The following SREK1IP1 variants were observed in gnomAD, a reference collection of about 807,000 sequenced individuals.
SREK1IP1 encodes the protein SREK1 interacting protein 1.
SREK1IP1 carries 12 observed loss-of-function variants against 22.8 expected under a neutral mutation model. The observed-to-expected ratio is 0.53, with a 90% CI of 0.34 to 0.85. SREK1IP1 has a LOEUF of 0.85. Ranked by LOEUF, SREK1IP1 falls within the 40% of genes least tolerant of loss-of-function variation. The pLI is 0.02. For missense variants in SREK1IP1, 147 were observed against 171.8 expected, an observed-to-expected ratio of 0.86 and a Z score of 0.81; for synonymous variants, 53 against 52.7, an observed-to-expected ratio of 1.01 and a Z score of -0.02.
rs1036999909 is a variant in SREK1IP1, at chr5:64,721,555, A to G, written c.*2829T>C. ...AGAAATAGGGATACCTCTGAGAAAT[A>G]TCAACCAACATATGATATGCAAAAA... On this transcript the variant is annotated 3_prime_UTR_variant, in exon 5 of 5. Coordinates refer to ENST00000513458, the MANE Select transcript of SREK1IP1 (RefSeq NM_173829.4). 6.6e-6 allele frequency: 1 copy of G among 151,770 alleles called. No homozygotes were observed. The highest frequency in any genetic ancestry group is 2.4e-5 in the African/African-American group (1 of 41,194). The allele number at this position is 151,770 out of a possible 1,614,324, so 9.4% of individuals were successfully genotyped here.
chr5:64,734,233 G>A (rs755537336), intron 3 of SREK1IP1, among the ~76,000 whole-genome samples: 1 of 152,020 alleles, frequency 6.6e-6, no homozygotes, highest in Non-Finnish European at 1.5e-5. Flanking sequence ...GGTCTATTCT[G>A]TTCCATTGAT....
intron 3 of SREK1IP1, among the ~76,000 whole-genome samples, chr5:64,738,963 G>C (rs960446349): frequency 6.6e-6 from 1 of 152,006 alleles, no homozygotes; most frequent in African/African-American, 2.4e-5. Context: ...TAGCTTTCAG[G>C]ACTGCTTTAG....
chr5:64,721,767 G>A lies in SREK1IP1; in HGVS notation c.*2617C>T, dbSNP rs146289192. 4 of 151,958 alleles carry A rather than the reference G, an allele frequency of 2.6e-5. No individual in the cohort carries two copies. Among genetic ancestry groups the A allele is most frequent in the South Asian group, 4.2e-4 (2 of 4,814 alleles). The allele number at this position is 151,958 out of a possible 1,614,324, so 9.4% of individuals were successfully genotyped here. ...AATTATCTGCTTGAAGAAGTTGAAC[G>A]TGTTTATTATATTAATAAATTCAAC... is the stretch of plus-strand genomic sequence containing the variant. On this transcript the variant is annotated 3_prime_UTR_variant, in exon 5 of 5. Transcript: ENST00000513458.
intron 2 of SREK1IP1, among the ~76,000 whole-genome samples, 162 bp downstream of exon 2, chr5:64,754,153 A>G (rs893292796): frequency 1.2e-4 from 19 of 152,198 alleles, no homozygotes; most frequent in African/African-American, 4.3e-4. Flanking sequence ...AGAAAAGTGA[A>G]TATTTAGTGC....
intron 2 of SREK1IP1, among the ~76,000 whole-genome samples, chr5:64,751,515 G>A (rs1742739833): frequency 6.6e-6 from 1 of 152,170 alleles, no homozygotes; most frequent in African/African-American, 2.4e-5. Context: ...CTAAAATAAT[G>A]GGACAAGGTA....
At chr5:64,763,230 GA>G (rs1456691316) in intron 1 of SREK1IP1, among the ~76,000 whole-genome samples, 3 of 151,958 alleles carry the variant, frequency 2.0e-5, no homozygotes, top group African/African-American at 7.2e-5. Context: ...AATCCGTGAA[GA>G]AAAAAGGTGT....
At chr5:64,737,057 TTTAC>T (rs1742476088) in intron 3 of SREK1IP1, among the ~76,000 whole-genome samples, 1 of 151,718 alleles carries the variant, frequency 6.6e-6, no homozygotes, top group Non-Finnish European at 1.5e-5. Context: ...GGATTAGGAG[TTTAC>T]TTACTAGGTT....
At chr5:64,729,790 T>C (rs1047005598) in intron 3 of SREK1IP1, among the ~76,000 whole-genome samples, 1 of 152,000 alleles carries the variant, frequency 6.6e-6, no homozygotes, top group Non-Finnish European at 1.5e-5. Flanking sequence ...GATTAAAATG[T>C]GGATTGGTGG....
intron 1 of SREK1IP1, among the ~76,000 whole-genome samples, chr5:64,768,304 G>C (rs555326692): frequency 1.9e-4 from 29 of 152,272 alleles, no homozygotes; most frequent in South Asian, 1.0e-3. Flanking sequence ...CTTGGCTCCT[G>C]GGGGGAAGAT....
intron 1 of SREK1IP1, among the ~76,000 whole-genome samples, chr5:64,760,175 T>G (rs1742922039): frequency 6.6e-6 from 1 of 151,980 alleles, no homozygotes; most frequent in Non-Finnish European, 1.5e-5. Context: ...AGATATACTG[T>G]AAAAAGAAAA....
At chr5:64,746,699 G>A (rs1342521937) in intron 2 of SREK1IP1, among the ~76,000 whole-genome samples, 1 of 152,182 alleles carries the variant, frequency 6.6e-6, no homozygotes, top group Non-Finnish European at 1.5e-5. Flanking sequence ...GACATCAAAT[G>A]TGTGGGTTTT....
chr5:64,764,137 TAA>T lies in SREK1IP1; in HGVS notation c.13+4366_13+4367del, dbSNP rs35794297. ...AACACTAATAATAGCTGATGAGCTTTAAAAAAAAAATCACAAAAAAACTCATA... is the reference window on the plus strand; with the variant it reads ...AACACTAATAATAGCTGATGAGCTTTAAAAAAAATCACAAAAAAACTCATA... On this transcript the variant is annotated intron_variant, in intron 1 of 4. Transcript: ENST00000513458. Among the ~76,000 whole-genome samples, 293 of 151,148 alleles carry T rather than the reference TAA, an allele frequency of 1.9e-3. 3 individuals carry two copies. Among genetic ancestry groups the T allele is most frequent in the African/African-American group, 6.7e-3 (278 of 41,300 alleles).
At chr5:64,766,465 T>C (rs545669084) in intron 1 of SREK1IP1, among the ~76,000 whole-genome samples, 1 of 152,384 alleles carries the variant, frequency 6.6e-6, no homozygotes, top group South Asian at 2.1e-4. Flanking sequence ...TCCTTACCTA[T>C]TGAGACCACA....
At chr5:64,726,702 G>C (rs58320853) in intron 4 of SREK1IP1, among the ~76,000 whole-genome samples, 10,169 of 151,996 alleles carry the variant, frequency 0.067, 1,109 homozygotes, top group African/African-American at 0.23. Context: ...ATAGCTTAAC[G>C]TGGCTGCCCT....
rs141733474 is a variant in SREK1IP1 at position 64,761,988 on chromosome 5, C to T, written c.13+6517G>A. 4.0e-3 allele frequency among the ~76,000 whole-genome samples: 610 copies of T among 152,238 alleles called. 2 individuals are homozygous for T. Among genetic ancestry groups the T allele is most frequent in the African/African-American group, 0.014 (568 of 41,522 alleles). On this transcript the variant is annotated intron_variant, in intron 1 of 4. Transcript: ENST00000513458. ...CTGAGAAAAATTGAGAGAAAGATGGCGAGTCCTCAACACTTGCTTCAGGTT... is the reference window on the plus strand; with the variant it reads ...CTGAGAAAAATTGAGAGAAAGATGGTGAGTCCTCAACACTTGCTTCAGGTT...
rs1742170362 is a variant in SREK1IP1 at position 64,721,934 on chromosome 5, C to T, written c.*2450G>A. On this transcript the variant is annotated 3_prime_UTR_variant, in exon 5 of 5. Coordinates refer to ENST00000513458, the MANE Select transcript of SREK1IP1 (RefSeq NM_173829.4). ...ATTTTATAGACGAAAGACACCAAGG[C>T]CCAGGGAAACTAAGTGACTTTGTTC... 6.6e-6 allele frequency: 1 copy of T among 151,984 alleles called. No individual in the cohort carries two copies. Among genetic ancestry groups the T allele is most frequent in the African/African-American group, 2.4e-5 (1 of 41,380 alleles). 9.4% of individuals were successfully genotyped at this position (151,984 alleles called of 1,614,324 possible). A position where few individuals can be genotyped will look rare whatever the true frequency, so the allele number is the denominator to read the frequency against.
chr5:64,766,678 G>T (rs1743037152), intron 1 of SREK1IP1, among the ~76,000 whole-genome samples: 1 of 152,192 alleles, frequency 6.6e-6, no homozygotes, highest in Non-Finnish European at 1.5e-5. Context: ...TACCTTGTAA[G>T]TTATCCTATA....
chr5:64,745,192 G>A (rs1742612802), intron 2 of SREK1IP1, among the ~76,000 whole-genome samples: 1 of 152,124 alleles, frequency 6.6e-6, no homozygotes, highest in South Asian at 2.1e-4. Context: ...TTTTGTTGTT[G>A]TGGTTGCTGT....
At chr5:64,752,499 A>G (rs553067689) in intron 2 of SREK1IP1, among the ~76,000 whole-genome samples, 1 of 152,230 alleles carries the variant, frequency 6.6e-6, no homozygotes, top group South Asian at 2.1e-4. Context: ...TGCCACAGAA[A>G]GAGAGACCCA....
Sources: gnomAD v4.1 joint callset for allele counts (sites outside exome capture counted in the v4.1 genomes callset) on GRCh38, gnomAD v4.1.1 for gene constraint, MANE v1.5 for transcripts, NCBI Gene and HGNC (gene_info 2026-07-23, HGNC 2026-07-21) for gene names.